Variants in NELL1 observed in about 807,000 individuals in gnomAD.
NELL1 encodes protein kinase C-binding protein NELL1.
NELL1 carries 76 observed loss-of-function variants against 107.4 expected under a neutral mutation model. The observed-to-expected ratio is 0.71, with a 90% CI of 0.59 to 0.86. The LOEUF (loss-of-function observed/expected upper bound fraction) is 0.86. NELL1 is among the 40% of genes least tolerant of loss of function. The pLI, the probability that NELL1 is intolerant of heterozygous loss-of-function variation, is 0.00. For missense variants in NELL1, 1,024 were observed against 1,005.5 expected (o/e 1.02, Z -0.25); for synonymous variants, 353 against 341.2 (o/e 1.03, Z -0.38).
chr11:21,420,657 TCAGA>T (rs1344618698), intron 15 of NELL1, among the ~76,000 whole-genome samples: 2 of 152,136 alleles, frequency 1.3e-5, no homozygotes, highest in African/African-American at 4.8e-5. Context: ...AGGTCCCCTT[TCAGA>T]CAGAAGCTAC....
At chr11:20,855,824 G>T (rs569642431) in intron 4 of NELL1, among the ~76,000 whole-genome samples, 10 of 152,110 alleles carry the variant, frequency 6.6e-5, no homozygotes, top group African/African-American at 2.2e-4. Context: ...TGTTGGAAAA[G>T]ATCATTGGGG....
chr11:20,946,378 G>A (rs986431315), intron 10 of NELL1, among the ~76,000 whole-genome samples: 2 of 152,116 alleles, frequency 1.3e-5, no homozygotes, highest in Non-Finnish European at 2.9e-5. Flanking sequence ...GGAACTCTCA[G>A]CATTTTTAAA....
chr11:21,554,682 G>A (rs546454557), intron 16 of NELL1, among the ~76,000 whole-genome samples: 4 of 151,772 alleles, frequency 2.6e-5, no homozygotes, highest in African/African-American at 7.3e-5. Flanking sequence ...CAAGCATATC[G>A]TTATGTATTT....
intron 14 of NELL1, among the ~76,000 whole-genome samples, chr11:21,270,024 G>T (rs531578091): frequency 6.6e-6 from 1 of 151,896 alleles, no homozygotes; most frequent in Non-Finnish European, 1.5e-5. Context: ...AAACTCTGTG[G>T]CAATCGCTTT....
rs71034505 is a variant in NELL1 at position 21,337,837 on chromosome 11, T to TTTCCTTTCTTTCTTTCTTTC, written c.1550-33014_1550-33013insCCTTTCTTTCTTTCTTTCTT. ...CTTTCCTTCTTTCTTTCTTTCTTTC[T>TTTCCTTTCTTTCTTTCTTTC]TTTCTTTCTTTCTTTCTTTCTTTCT... is the stretch of plus-strand genomic sequence containing the variant. On this transcript the variant is annotated intron_variant, in intron 14 of 19. Transcript: ENST00000357134. Among the ~76,000 whole-genome samples the TTTCCTTTCTTTCTTTCTTTC allele has an allele frequency of 1.2e-3, 102 of 86,646 alleles. 9 individuals carry two copies. Among genetic ancestry groups the TTTCCTTTCTTTCTTTCTTTC allele is most frequent in the African/African-American group, 4.4e-3 (94 of 21,236 alleles). The allele number at this position is 86,646 out of a possible 152,430, so 56.8% of individuals were successfully genotyped here.
At chr11:20,978,101 A>G (rs549869972) in intron 12 of NELL1, among the ~76,000 whole-genome samples, 1 of 152,322 alleles carries the variant, frequency 6.6e-6, no homozygotes, top group Middle Eastern at 3.4e-3. Context: ...TGATTCTACA[A>G]TCCTAGTTTT....
chr11:21,276,248 A>G (rs1318645716), intron 14 of NELL1, among the ~76,000 whole-genome samples: 1 of 152,156 alleles, frequency 6.6e-6, no homozygotes, highest in African/African-American at 2.4e-5. Flanking sequence ...GCATTCTTAT[A>G]CACCAATAAC....
rs978897622 is a variant in NELL1, at chr11:20,679,491, T to G, written c.184+1431T>G. 5.9e-5 allele frequency among the ~76,000 whole-genome samples: 9 copies of G among 152,134 alleles called. No individual in the cohort carries two copies. In the East Asian group the frequency reaches 1.7e-3, roughly 29 times the overall value. Reference sequence around the variant, plus strand: ...TTAGTGATATGTAGCAAATCTAGAGTTATTATGTAATTATATGTAACAAGA... The same window carrying G: ...TTAGTGATATGTAGCAAATCTAGAGGTATTATGTAATTATATGTAACAAGA... On this transcript the variant is annotated intron_variant, in intron 2 of 19. Coordinates refer to ENST00000357134, the MANE Select transcript of NELL1 (RefSeq NM_006157.5).
At chr11:21,076,635 C>CCCTGAA (rs1353088427) in intron 12 of NELL1, among the ~76,000 whole-genome samples, 1 of 152,128 alleles carries the variant, frequency 6.6e-6, no homozygotes, top group Non-Finnish European at 1.5e-5. Flanking sequence ...GATGCTTGTG[C>CCCTGAA]CCTGAAAACT....
chr11:20,982,373 T>C (rs1851767463), intron 12 of NELL1, among the ~76,000 whole-genome samples: 1 of 152,178 alleles, frequency 6.6e-6, no homozygotes, highest in Non-Finnish European at 1.5e-5. Flanking sequence ...TCTTTCAGTT[T>C]TGCAGATGAG....
intron 12 of NELL1, among the ~76,000 whole-genome samples, chr11:21,027,939 G>A (rs1465092243): frequency 6.6e-6 from 1 of 152,170 alleles, no homozygotes; most frequent in Admixed American, 6.5e-5. Context: ...AATTGCTGCT[G>A]CTGCAGTGTG....
chr11:21,170,849 G>C (rs539209807), intron 13 of NELL1, among the ~76,000 whole-genome samples: 1 of 151,282 alleles, frequency 6.6e-6, no homozygotes, highest in South Asian at 2.1e-4. Flanking sequence ...AATCCTTCTT[G>C]ATTTATGTTC....
At chr11:21,197,589 A>T (rs748204324) in intron 13 of NELL1, among the ~76,000 whole-genome samples, 18 of 152,162 alleles carry the variant, frequency 1.2e-4, no homozygotes, top group Admixed American at 7.2e-4. Context: ...TACTGAGTTG[A>T]TGTTGATGAA....
chr11:21,107,834 T>G (rs1444106976), intron 12 of NELL1, among the ~76,000 whole-genome samples: 1 of 152,130 alleles, frequency 6.6e-6, no homozygotes, highest in Non-Finnish European at 1.5e-5. Flanking sequence ...ACCAAGGTCT[T>G]GAGAAGAAAA....
In NELL1 at chr11:21,575,065, C is replaced by G; in HGVS notation, c.*43C>G. 6.7e-7 allele frequency: 1 copy of G among 1,493,340 alleles called. No homozygotes were observed. The highest frequency in any genetic ancestry group is 9.3e-7 in the Non-Finnish European group (1 of 1,071,926). The allele number at this position is 1,493,340 out of a possible 1,614,324, so 92.5% of individuals were successfully genotyped here. On this transcript the variant is annotated 3_prime_UTR_variant, in exon 20 of 20. Transcript: ENST00000357134. ...CAACGCAGAAGAATGGACGAAATGACCATCCAACGTGATTAAGGATAGGAA... is the reference window on the plus strand; with the variant it reads ...CAACGCAGAAGAATGGACGAAATGAGCATCCAACGTGATTAAGGATAGGAA...
At chr11:20,684,659 C>T (rs928828763) in intron 2 of NELL1, among the ~76,000 whole-genome samples, 1 of 151,976 alleles carries the variant, frequency 6.6e-6, no homozygotes, top group Admixed American at 6.6e-5. Context: ...TGAATTTTAC[C>T]GTCTTTGGTA....
intron 14 of NELL1, among the ~76,000 whole-genome samples, chr11:21,356,481 C>T (rs1400561943): frequency 6.6e-6 from 1 of 152,086 alleles, no homozygotes; most frequent in Non-Finnish European, 1.5e-5. Flanking sequence ...TTGTGACATC[C>T]AACTGGGATA....
chr11:20,676,372 A>G (rs1239526831), intron 1 of NELL1, among the ~76,000 whole-genome samples: 1 of 152,144 alleles, frequency 6.6e-6, no homozygotes, highest in East Asian at 1.9e-4. Context: ...ACCCACAGGA[A>G]TGCGAGCTCC....
chr11:20,731,383 G>A (rs1481761355), intron 2 of NELL1, among the ~76,000 whole-genome samples: 1 of 152,206 alleles, frequency 6.6e-6, no homozygotes, highest in East Asian at 1.9e-4. Context: ...ATGAAAGAAG[G>A]GGAGAGAGTA....
Sources: allele counts gnomAD v4.1 joint callset (sites outside exome capture counted in the v4.1 genomes callset), GRCh38; gene constraint gnomAD v4.1.1; transcripts MANE v1.5; gene names NCBI Gene and HGNC (gene_info 2026-07-23, HGNC 2026-07-21).